The following CDH2 variants were observed in gnomAD, a reference collection of about 807,000 sequenced individuals.
CDH2 encodes cadherin 2.
A neutral mutation model predicts 92.0 loss-of-function variants in CDH2; 17 were observed. The observed-to-expected ratio is 0.18, with a 90% CI of 0.13 to 0.28. The LOEUF is 0.28. Among genes scored for constraint, CDH2 ranks in the 10% least tolerant of loss-of-function variants. The pLI is 1.00. For synonymous variants in CDH2, 419 were observed against 415.9 expected (o/e 1.01, Z -0.09); for missense variants, 862 against 1,133.1 (o/e 0.76, Z 3.44).
intron 10 of CDH2, 79 bp downstream of exon 10, chr18:27,990,018 A>C (rs2012359056): frequency 2.8e-6 from 3 of 1,054,716 alleles, no homozygotes; most frequent in Non-Finnish European, 4.1e-6. Flanking sequence ...ATTTCTACTC[A>C]AATAGTGAAT....
chr18:27,963,646 T>G (rs1230879304), intron 14 of CDH2, 125 bp from the exon 15 acceptor site: 5 of 738,700 alleles, frequency 6.8e-6, no homozygotes, highest in Non-Finnish European at 1.1e-5. Flanking sequence ...ATGGAAAAGT[T>G]GCCACTATGA....
At chr18:27,952,461 G>T in intron 15 of CDH2, 102 bp from the exon 16 acceptor site, 3 of 870,462 alleles carry the variant, frequency 3.4e-6, no homozygotes, top group Non-Finnish European at 1.8e-6. Context: ...ACAAACACTT[G>T]TTTGTAAATT....
chr18:28,078,287 C>A (rs2014763642), intron 2 of CDH2, among the ~76,000 whole-genome samples: 2 of 152,086 alleles, frequency 1.3e-5, no homozygotes, highest in Admixed American at 6.6e-5. Context: ...TGGAACTGTG[C>A]AAACACTATA....
intron 1 of CDH2, among the ~76,000 whole-genome samples, chr18:28,174,896 C>A (rs2016514267): frequency 6.6e-6 from 1 of 152,090 alleles, no homozygotes; most frequent in Admixed American, 6.5e-5. Context: ...AATAAGACGA[C>A]CCAATGCTGT....
At chr18:28,074,074 T>C (rs2014672679) in intron 2 of CDH2, among the ~76,000 whole-genome samples, 1 of 152,230 alleles carries the variant, frequency 6.6e-6, no homozygotes, top group African/African-American at 2.4e-5. Flanking sequence ...AATTTTTGGT[T>C]TTTATTCATA....
chr18:28,030,255 T>C (rs1344997200), intron 2 of CDH2, among the ~76,000 whole-genome samples: 1 of 151,506 alleles, frequency 6.6e-6, no homozygotes, highest in Non-Finnish European at 1.5e-5. Context: ...ATGTGGATAA[T>C]TGGGACAATG....
intron 2 of CDH2, among the ~76,000 whole-genome samples, chr18:28,080,191 A>C (rs545512596): frequency 6.6e-6 from 1 of 152,326 alleles, no homozygotes; most frequent in African/African-American, 2.4e-5. Context: ...TTAAGGGCAA[A>C]GAGAGAATTA....
At chr18:27,979,282 T>C (rs1471205264) in intron 14 of CDH2, among the ~76,000 whole-genome samples, 1 of 152,082 alleles carries the variant, frequency 6.6e-6, no homozygotes, top group East Asian at 1.9e-4. Flanking sequence ...TAATGAGACA[T>C]ACATCATCAA....
intron 2 of CDH2, among the ~76,000 whole-genome samples, chr18:28,047,158 G>C (rs1393946564): frequency 6.6e-6 from 1 of 152,108 alleles, no homozygotes; most frequent in African/African-American, 2.4e-5. Context: ...ATAGGAAGCA[G>C]ATTTTTAGCT....
At chr18:27,949,075 T>C (rs770162352), downstream of CDH2, among the ~76,000 whole-genome samples, 2 of 151,976 alleles carry the variant, frequency 1.3e-5, no homozygotes, top group African/African-American at 2.4e-5. Flanking sequence ...GTCACATGGT[T>C]ACAGTCATTT....
chr18:28,026,505 T>A (rs761651504), intron 2 of CDH2, among the ~76,000 whole-genome samples: 2 of 152,044 alleles, frequency 1.3e-5, no homozygotes, highest in Non-Finnish European at 1.5e-5. Context: ...GTATCAAGGG[T>A]AGGCAGGCCA....
At position 27,969,343 on chromosome 18, in the gene CDH2, C is replaced by A. The variant is rs1221809405; in HGVS notation, c.2350-5822G>T. 2.6e-5 allele frequency among the ~76,000 whole-genome samples: 4 copies of A among 152,170 alleles called. No homozygotes were observed. In the East Asian group the frequency reaches 5.8e-4, roughly 22 times the overall value. On this transcript the variant is annotated intron_variant, in intron 14 of 15. Transcript: ENST00000269141. ...CTTCCCACAAGGGAGAGGACTGAGTCCCCACTAAAAGGGAACAGTCATTGT... is the reference window on the plus strand; with the variant it reads ...CTTCCCACAAGGGAGAGGACTGAGTACCCACTAAAAGGGAACAGTCATTGT...
intron 2 of CDH2, among the ~76,000 whole-genome samples, chr18:28,050,675 T>C (rs1016339959): frequency 6.6e-6 from 1 of 152,134 alleles, no homozygotes; most frequent in African/African-American, 2.4e-5. Flanking sequence ...AGAGGAGATA[T>C]AATGCCTTTT....
chr18:28,106,152 T>C (rs2015316852), intron 2 of CDH2, among the ~76,000 whole-genome samples: 1 of 152,302 alleles, frequency 6.6e-6, no homozygotes, highest in South Asian at 2.1e-4. Flanking sequence ...TGCAGTGGCT[T>C]ACACCTATAA....
chr18:27,988,577 G>A lies in CDH2; in HGVS notation c.1688C>T (p.Ser563Leu). 6.2e-7 allele frequency: 1 copy of A among 1,612,466 alleles called. No homozygotes were observed. The highest frequency in any genetic ancestry group is 1.1e-5 in the South Asian group (1 of 91,026). Reference sequence around the variant, plus strand: ...ATATATATTGTTTTTCACATTTGGTGATTCTCGGTCCAAAACAGCAATTGT... The same window carrying A: ...ATATATATTGTTTTTCACATTTGGTAATTCTCGGTCCAAAACAGCAATTGT... ...ITTIAVLDRESPNVKNNIYNA... is the reference protein window; with the variant it reads ...ITTIAVLDRELPNVKNNIYNA... Residue 563 changes from serine (S) to leucine (L), a missense_variant, in exon 11 of 16, where the codon TCA becomes TTA. By Grantham distance (145) the Ser-to-Leu change is moderately radical (BLOSUM62 -2). Coordinates refer to ENST00000269141, the MANE Select transcript of CDH2 (RefSeq NM_001792.5).
chr18:28,021,460 C>CA (rs555752934), intron 2 of CDH2, among the ~76,000 whole-genome samples: 119 of 151,164 alleles, frequency 7.9e-4, no homozygotes, highest in African/African-American at 2.7e-3. Flanking sequence ...ATGATTATGG[C>CA]AAAAAAAATC....
At chr18:28,049,137 G>A (rs1369455737) in intron 2 of CDH2, among the ~76,000 whole-genome samples, 1 of 152,074 alleles carries the variant, frequency 6.6e-6, no homozygotes, top group East Asian at 1.9e-4. Context: ...AACTTTTCAA[G>A]CAGAGGGCTT....
intron 2 of CDH2, among the ~76,000 whole-genome samples, chr18:28,029,393 T>C (rs1310368281): frequency 1.3e-5 from 2 of 152,156 alleles, no homozygotes; most frequent in Non-Finnish European, 2.9e-5. Context: ...TTACATTTTA[T>C]GCTTACTAAA....
At chr18:28,070,569 AT>A (rs2014596635) in intron 2 of CDH2, among the ~76,000 whole-genome samples, 2 of 152,194 alleles carry the variant, frequency 1.3e-5, no homozygotes. Context: ...TGAGAAGGGA[AT>A]ACATACAACT....
Sources: gnomAD v4.1 joint callset for allele counts (sites outside exome capture counted in the v4.1 genomes callset) on GRCh38, gnomAD v4.1.1 for gene constraint, MANE v1.5 for transcripts, NCBI Gene and HGNC (gene_info 2026-07-23, HGNC 2026-07-21) for gene names.